Variants in GLYR1 observed in about 807,000 individuals in gnomAD.
GLYR1 encodes the protein glyoxylate reductase 1 homolog, also known as cytokine-like nuclear factor N-PAC.
A neutral mutation model predicts 72.7 loss-of-function variants in GLYR1; 21 were observed. The observed-to-expected ratio is 0.29, with a 90% CI of 0.20 to 0.42. The LOEUF (loss-of-function observed/expected upper bound fraction) is 0.42, where lower values mean the gene tolerates loss of function less well. GLYR1 is among the 10% of genes least tolerant of loss of function. The pLI, the probability that GLYR1 is intolerant of heterozygous loss-of-function variation, is 1.00. For missense variants in GLYR1, 594 were observed against 712.1 expected (o/e 0.83, Z 1.89); for synonymous variants, 392 against 270.2 (o/e 1.45, Z -4.42).
chr16:4,840,110 A>G (rs2085438308), intron 3 of GLYR1: 1 of 152,274 alleles, frequency 6.6e-6, no homozygotes, highest in African/African-American at 2.4e-5. Context: ...TCCCTAAAAA[A>G]TCCCCTTGCA....
At chr16:4,815,322 G>C (rs528772908) in intron 10 of GLYR1, among the ~76,000 whole-genome samples, 1 of 151,986 alleles carries the variant, frequency 6.6e-6, no homozygotes, top group African/African-American at 2.4e-5. Flanking sequence ...GGCTGGATGG[G>C]CCTACTATTT....
intron 11 of GLYR1, 104 bp downstream of exon 11, chr16:4,814,433 C>T: frequency 1.2e-6 from 1 of 845,096 alleles, no homozygotes; most frequent in Non-Finnish European, 2.0e-6. Context: ...ATTCAGCCCC[C>T]CACATGTGGA....
intron 1 of GLYR1, 136 bp from the exon 2 acceptor site, chr16:4,846,346 G>C: frequency 1.1e-6 from 1 of 930,186 alleles, no homozygotes; most frequent in South Asian, 1.3e-5. Context: ...TCATAGCTGG[G>C]CCCAACACCC....
chr16:4,823,880 C>A lies in GLYR1; in HGVS notation c.565G>T (p.Val189Leu). The A allele has an allele frequency of 1.2e-6, 2 of 1,614,094 alleles. No homozygotes were observed. The highest frequency in any genetic ancestry group is 1.6e-4 in the Middle Eastern group (1 of 6,062). The change falls in exon 6 of 16, where the codon GTG becomes TTG. Residue 189 changes from valine (V) to leucine (L), a missense_variant. Around this residue, in one of 5 missense-constraint regions of GLYR1, gnomAD observed 252 missense variants for 211.3 expected, o/e 1.19. Coordinates refer to ENST00000321919, the MANE Select transcript of GLYR1 (RefSeq NM_032569.4). ...KDLTIPESST[V>L]KGMMAGPMAA... The stretch of plus-strand genomic sequence containing the variant: ...ATCGGTCCGGCCATCATCCCCTTCA[C>A]GGTACTAGACTCCGGGATGGTGAGA...
Position 4,803,411 on chromosome 16 carries a change from A to C in GLYR1, c.*1825T>G, listed in dbSNP as rs1298122904. On this transcript the variant is annotated 3_prime_UTR_variant, in exon 16 of 16. Transcript: ENST00000321919. ...AAAGAAAAAAGGGAGGGGCTTTCTT[A>C]CAAGCTTTTTCACAAGTGTCACATT... The C allele has an allele frequency of 6.5e-6, 1 of 152,690 alleles. No homozygotes were observed. The highest frequency in any genetic ancestry group is 1.5e-5 in the Non-Finnish European group (1 of 68,046). The allele number at this position is 152,690 out of a possible 1,614,324, so 9.5% of individuals were successfully genotyped here.
At chr16:4,823,456 TA>T (rs2084171699) in intron 6 of GLYR1, among the ~76,000 whole-genome samples, 1 of 151,938 alleles carries the variant, frequency 6.6e-6, no homozygotes, top group African/African-American at 2.4e-5. Context: ...AAACTAAACA[TA>T]AAAGTTGTAT....
At chr16:4,814,385 A>G in intron 11 of GLYR1, 152 bp downstream of exon 11, 1 of 655,356 alleles carries the variant, frequency 1.5e-6, no homozygotes, top group East Asian at 2.7e-5. Context: ...CAATTAATGC[A>G]AACACCCTTC....
chr16:4,816,924 T>C (rs1250475330), intron 10 of GLYR1, among the ~76,000 whole-genome samples: 3 of 147,598 alleles, frequency 2.0e-5, no homozygotes, highest in South Asian at 2.2e-4. Context: ...GAGGTGGAGG[T>C]TGCAGTGAGC....
At chr16:4,827,660 G>C (rs1256733981) in intron 5 of GLYR1, among the ~76,000 whole-genome samples, 1 of 152,142 alleles carries the variant, frequency 6.6e-6, no homozygotes, top group Admixed American at 6.5e-5. Flanking sequence ...CAGCACTTTG[G>C]GAGGCCGAGG....
At position 4,804,969 on chromosome 16, in the gene GLYR1, GTGA is replaced by G; in HGVS notation, c.*264_*266del. The G allele has an allele frequency of 1.9e-6, 1 of 540,490 alleles. No homozygotes were observed. The highest frequency in any genetic ancestry group is 1.9e-5 in the African/African-American group (1 of 51,338). The allele number at this position is 540,490 out of a possible 1,614,324, so 33.5% of individuals were successfully genotyped here. A position where few individuals can be genotyped will look rare whatever the true frequency, so the allele number is the denominator to read the frequency against. On this transcript the variant is annotated 3_prime_UTR_variant, in exon 16 of 16. Coordinates refer to ENST00000321919, the MANE Select transcript of GLYR1 (RefSeq NM_032569.4). ...TGTGTGTGTGTGTGTGTGTGTGTGT[GTGA>G]ACACACAGCCACCTCGTCCGGGGGG...
rs748042613 is a variant in GLYR1 at position 4,823,851 on chromosome 16, G to A, written c.594C>T (p.Ala198=). 1.8e-5 allele frequency: 29 copies of A among 1,613,810 alleles called. 1 individual carries two copies. The highest frequency in any genetic ancestry group is 5.5e-5 in the South Asian group (5 of 91,074). The change falls in exon 6 of 16, where the codon GCC becomes GCT. Residue 198 remains alanine (A), a synonymous_variant. Coordinates refer to ENST00000321919, the MANE Select transcript of GLYR1 (RefSeq NM_032569.4). ...TTGCGGTTGGCTGCCATTTAAACGC[G>A]GCCATCGGTCCGGCCATCATCCCCT... is the stretch of plus-strand genomic sequence containing the variant. ...TVKGMMAGPM[A]AFKWQPTASE...
At chr16:4,813,359 G>C (rs2083437502) in intron 12 of GLYR1, among the ~76,000 whole-genome samples, 1 of 152,170 alleles carries the variant, frequency 6.6e-6, no homozygotes, top group Non-Finnish European at 1.5e-5. Context: ...CCTCCCCTCA[G>C]AACATATGTG....
intron 4 of GLYR1, 114 bp from the exon 5 acceptor site, chr16:4,832,335 T>C (rs1396838544): frequency 2.4e-6 from 3 of 1,264,794 alleles, no homozygotes; most frequent in East Asian, 2.3e-5. Context: ...CTCCTCACAA[T>C]GACCCTAGAA....
At chr16:4,841,090 C>T (rs572825943) in intron 3 of GLYR1, among the ~76,000 whole-genome samples, 15 of 152,256 alleles carry the variant, frequency 9.9e-5, no homozygotes, top group African/African-American at 3.6e-4. Context: ...TTGCATTTAG[C>T]AGTTGCTTTG....
chr16:4,828,602 G>A (rs1039000161), intron 5 of GLYR1, among the ~76,000 whole-genome samples: 1 of 152,014 alleles, frequency 6.6e-6, no homozygotes, highest in Non-Finnish European at 1.5e-5. Flanking sequence ...CTGTAAGCCT[G>A]GGCAGTGGCC....
intron 5 of GLYR1, among the ~76,000 whole-genome samples, chr16:4,829,140 G>A (rs2084622827): frequency 6.6e-6 from 1 of 151,968 alleles, no homozygotes; most frequent in Non-Finnish European, 1.5e-5. Flanking sequence ...TGCCACCCTT[G>A]CTCTCACCAC....
intron 14 of GLYR1, 109 bp from the exon 15 acceptor site, chr16:4,811,403 A>G (rs555856327): frequency 8.8e-6 from 13 of 1,471,876 alleles, no homozygotes; most frequent in Non-Finnish European, 1.1e-5. Flanking sequence ...TCAGTTCCAC[A>G]TAGCCTAGGC....
intron 9 of GLYR1, among the ~76,000 whole-genome samples, chr16:4,820,911 C>G (rs1480480594): frequency 6.6e-6 from 1 of 152,266 alleles, no homozygotes; most frequent in African/African-American, 2.4e-5. Context: ...CAAGCACTTT[C>G]ATCTCCCTTC....
In GLYR1 at chr16:4,820,096, C is replaced by T. The variant is rs190275554; in HGVS notation, c.806+1284G>A. Among the ~76,000 whole-genome samples the T allele has an allele frequency of 5.9e-5, 9 of 152,264 alleles. No individual in the cohort carries two copies. In the East Asian group the frequency reaches 1.7e-3, roughly 29 times the overall value. On this transcript the variant is annotated intron_variant, in intron 9 of 15. Coordinates refer to ENST00000321919, the MANE Select transcript of GLYR1 (RefSeq NM_032569.4). ...CACTGCAACCTCCACCTCCCGGGTT[C>T]AAGCGATTCTCCCACCTCAGCCTCC... is the stretch of plus-strand genomic sequence containing the variant.
Sources: allele counts gnomAD v4.1 joint callset (sites outside exome capture counted in the v4.1 genomes callset), GRCh38; gene constraint gnomAD v4.1.1; regional missense constraint gnomAD v4.1.1; transcripts MANE v1.5; gene names NCBI Gene and HGNC (gene_info 2026-07-23, HGNC 2026-07-21).